The following EYA1 variants were observed in gnomAD, a reference collection of about 807,000 sequenced individuals.
The protein encoded by EYA1 is protein phosphatase EYA1.
EYA1 carries 16 observed loss-of-function variants against 82.0 expected under a neutral mutation model. That is an observed-to-expected ratio of 0.20 (90% CI 0.13 to 0.30). The LOEUF (loss-of-function observed/expected upper bound fraction) is 0.30, where lower values mean the gene tolerates loss of function less well. EYA1 is among the 10% of genes least tolerant of loss of function. The pLI, the probability that EYA1 is intolerant of heterozygous loss-of-function variation, is 1.00. For missense variants in EYA1, 633 were observed against 730.7 expected (o/e 0.87, Z 1.54); for synonymous variants, 261 against 264.4 (o/e 0.99, Z 0.12).
chr8:71,269,888 T>C (rs1816306595), intron 10 of EYA1, 65 bp from the exon 11 acceptor site: 2 of 1,250,790 alleles, frequency 1.6e-6, no homozygotes, highest in African/African-American at 2.9e-5. Context: ...TTCAGTTAAC[T>C]TCAACACGAA....
intron 1 of EYA1, among the ~76,000 whole-genome samples, chr8:71,541,701 C>G (rs1164865822): frequency 6.6e-6 from 1 of 152,144 alleles, no homozygotes; most frequent in South Asian, 2.1e-4. Flanking sequence ...AACCACAGTC[C>G]TATAAAGCCT....
intron 9 of EYA1, among the ~76,000 whole-genome samples, chr8:71,273,713 C>T (rs1816812209): frequency 6.6e-6 from 1 of 152,210 alleles, no homozygotes; most frequent in African/African-American, 2.4e-5. Flanking sequence ...CATTTTACAA[C>T]CAGTACAGTC....
At chr8:71,515,260 A>C (rs568903998) in intron 2 of EYA1, among the ~76,000 whole-genome samples, 1 of 152,158 alleles carries the variant, frequency 6.6e-6, no homozygotes, top group Non-Finnish European at 1.5e-5. Context: ...CTTGATGTGC[A>C]TTCCCACAGC....
At chr8:71,335,202 A>G (rs1824345682) in intron 3 of EYA1, among the ~76,000 whole-genome samples, 1 of 152,232 alleles carries the variant, frequency 6.6e-6, no homozygotes, top group Non-Finnish European at 1.5e-5. Context: ...TTCCTAAAAC[A>G]AAGGCTCCCA....
rs568400948 is a variant in EYA1 at position 71,204,563 on chromosome 8, C to T, written c.1699-5143G>A. ...CAGAGGACTGGTTAAATAGCACATCCACATGATGGAATACCGATGCAGTCA... is the reference window on the plus strand; with the variant it reads ...CAGAGGACTGGTTAAATAGCACATCTACATGATGGAATACCGATGCAGTCA... On this transcript the variant is annotated intron_variant, in intron 17 of 17. Transcript: ENST00000340726. 2.0e-5 allele frequency among the ~76,000 whole-genome samples: 3 copies of T among 152,234 alleles called. No homozygotes were observed. In the South Asian group the frequency reaches 6.2e-4, roughly 32 times the overall value.
chr8:71,481,327 T>C (rs1810140919), intron 2 of EYA1, among the ~76,000 whole-genome samples: 2 of 152,206 alleles, frequency 1.3e-5, no homozygotes, highest in South Asian at 4.1e-4. Context: ...AGCAAGCACA[T>C]GCTAGCCAAG....
rs1808470956 is a variant in EYA1, at chr8:71,211,255, T to C, written c.1599A>G (p.Gly533=). Residue 533 remains glycine, a splice_region_variant and synonymous_variant, in exon 17 of 18, where the codon GGA becomes GGG. Coordinates refer to ENST00000340726, the MANE Select transcript of EYA1 (RefSeq NM_000503.6). ...TTATTCTCTCAAAACAGCTTTCTTT[T>C]CCTAGTGAACAAAAATAAATGATAG... ...IENIYSATKI[G]KESCFERIIQ... 6.3e-7 allele frequency: 1 copy of C among 1,597,302 alleles called. No homozygotes were observed.
intron 1 of EYA1, chr8:71,535,879 T>C: frequency 1.7e-6 from 1 of 596,124 alleles, no homozygotes; most frequent in Non-Finnish European, 2.6e-6. Context: ...CACAGCTGTA[T>C]TAATTGTGTG....
chr8:71,500,720 T>C (rs1170341141), intron 2 of EYA1, among the ~76,000 whole-genome samples: 6 of 152,174 alleles, frequency 3.9e-5, no homozygotes, highest in Non-Finnish European at 7.3e-5. Context: ...ACATTCTGCA[T>C]TTCATTATCA....
chr8:71,461,454 G>A (rs573669691), intron 2 of EYA1, among the ~76,000 whole-genome samples: 4 of 152,236 alleles, frequency 2.6e-5, no homozygotes, highest in South Asian at 2.1e-4. Flanking sequence ...GGCTAGCAAC[G>A]GGGTATGTGG....
intron 2 of EYA1, among the ~76,000 whole-genome samples, chr8:71,530,093 G>T (rs1814146791): frequency 6.6e-6 from 1 of 152,190 alleles, no homozygotes; most frequent in Admixed American, 6.5e-5. Context: ...TGGAAATAGG[G>T]TCTTTACAAG....
At chr8:71,208,133 T>C (rs1032841770) in intron 17 of EYA1, among the ~76,000 whole-genome samples, 2 of 152,144 alleles carry the variant, frequency 1.3e-5, no homozygotes, top group Non-Finnish European at 2.9e-5. Context: ...GTTTCCAGTA[T>C]AAAAATTAAC....
At chr8:71,403,145 G>A (rs968848578) in intron 2 of EYA1, among the ~76,000 whole-genome samples, 2 of 152,186 alleles carry the variant, frequency 1.3e-5, no homozygotes, top group Non-Finnish European at 2.9e-5. Flanking sequence ...AGTCAAAGAT[G>A]ACAGACTGAG....
chr8:71,480,233 A>G (rs748263698), intron 2 of EYA1, among the ~76,000 whole-genome samples: 8 of 152,224 alleles, frequency 5.3e-5, no homozygotes, highest in African/African-American at 9.6e-5. Flanking sequence ...CCATTTAATC[A>G]TTACAGCTCT....
In EYA1 at chr8:71,534,904, TA is replaced by T. The variant is rs35440740; in HGVS notation, c.33+839del. 6.2e-3 allele frequency among the ~76,000 whole-genome samples: 787 copies of T among 126,072 alleles called. 3 individuals are homozygous for T. The highest frequency in any genetic ancestry group is 0.013 in the African/African-American group (434 of 33,190). The allele number at this position is 126,072 out of a possible 152,430, so 82.7% of individuals were successfully genotyped here. On this transcript the variant is annotated intron_variant, in intron 2 of 18. Coordinates refer to the EYA1 transcript ENST00000643681. ...AAAATATTAAAAAAGAAATGAAAGC[TA>T]AAAAAAAAAAAAAAAAGAATTCTAC... is the stretch of plus-strand genomic sequence containing the variant.
chr8:71,246,801 G>T (rs1156744712), intron 11 of EYA1, among the ~76,000 whole-genome samples: 1 of 152,160 alleles, frequency 6.6e-6, no homozygotes, highest in Admixed American at 6.5e-5. Context: ...GGTGGGAGAT[G>T]GGAGCGGAGC....
intron 2 of EYA1, among the ~76,000 whole-genome samples, chr8:71,376,910 C>T (rs759620208): frequency 5.3e-5 from 8 of 152,160 alleles, no homozygotes; most frequent in Non-Finnish European, 1.0e-4. Flanking sequence ...GCAGAAGCCT[C>T]CGTTCTGTCA....
At chr8:71,431,318 AACTC>A (rs1014128411) in intron 2 of EYA1, among the ~76,000 whole-genome samples, 67 of 152,222 alleles carry the variant, frequency 4.4e-4, no homozygotes, top group African/African-American at 1.5e-3. Flanking sequence ...AAATCACATC[AACTC>A]ACTCTGTTTT....
chr8:71,213,541 A>G (rs1010746141), intron 16 of EYA1, among the ~76,000 whole-genome samples: 9 of 152,368 alleles, frequency 5.9e-5, no homozygotes, highest in Admixed American at 3.3e-4. Context: ...ATAATGGGCT[A>G]CTAGGAATTT....
Sources: gnomAD v4.1 joint callset for allele counts (sites outside exome capture counted in the v4.1 genomes callset) on GRCh38, gnomAD v4.1.1 for gene constraint, MANE v1.5 for transcripts, NCBI Gene and HGNC (gene_info 2026-07-23, HGNC 2026-07-21) for gene names.